Variants in CCDC50 observed in about 807,000 individuals in gnomAD.
The protein encoded by CCDC50 is coiled-coil domain containing 50, also known as coiled-coil domain-containing protein 50.
In CCDC50, 54 loss-of-function variants were observed where a neutral mutation model predicts 70.2. The ratio of observed to expected loss-of-function variants is 0.77; its 90% CI spans 0.62 to 0.96. CCDC50 has a LOEUF of 0.96. Among genes scored for constraint, CCDC50 ranks in the 50% least tolerant of loss-of-function variants. The probability of loss-of-function intolerance (pLI) is 0.00; values close to 1 mark genes in which losing one functional copy is unlikely to be tolerated. For synonymous variants in CCDC50, 216 were observed against 198.8 expected (o/e 1.09, Z -0.73); for missense variants, 558 against 578.7 (o/e 0.96, Z 0.37).
At chr3:191,378,034 CT>C (rs1364999173) in intron 6 of CCDC50, among the ~76,000 whole-genome samples, 1 of 152,056 alleles carries the variant, frequency 6.6e-6, no homozygotes, top group Non-Finnish European at 1.5e-5. Flanking sequence ...TTTCTATATC[CT>C]TACAAAAATT....
intron 10 of CCDC50, among the ~76,000 whole-genome samples, chr3:191,387,747 C>T (rs973532129): frequency 6.6e-6 from 1 of 151,298 alleles, no homozygotes; most frequent in Admixed American, 6.6e-5. Context: ...ATAACTTTAG[C>T]ATACTTTTCC....
chr3:191,339,034 C>T (rs1383694456), intron 1 of CCDC50, among the ~76,000 whole-genome samples: 3 of 152,104 alleles, frequency 2.0e-5, no homozygotes, highest in Non-Finnish European at 4.4e-5. Context: ...GGGGAAGGCT[C>T]TTACACAGTT....
At chr3:191,361,269 AG>A in intron 4 of CCDC50, 110 bp downstream of exon 4, 1 of 762,462 alleles carries the variant, frequency 1.3e-6, no homozygotes, top group Non-Finnish European at 2.4e-6. Flanking sequence ...AATGGGAAGC[AG>A]AATGCCTCTT....
chr3:191,346,183 A>G (rs921068172), intron 1 of CCDC50, among the ~76,000 whole-genome samples: 2 of 152,146 alleles, frequency 1.3e-5, no homozygotes, highest in African/African-American at 2.4e-5. Flanking sequence ...TGCTACTACA[A>G]CTGATTTTCT....
At chr3:191,345,079 T>C (rs1221736333) in intron 1 of CCDC50, among the ~76,000 whole-genome samples, 3 of 152,164 alleles carry the variant, frequency 2.0e-5, no homozygotes, top group African/African-American at 4.8e-5. Flanking sequence ...GATGTCCTGA[T>C]TGAGCTCATT....
rs999248036 is a variant in CCDC50, at chr3:191,329,948, G to A, written c.49+225G>A. Among the ~76,000 whole-genome samples the A allele has an allele frequency of 7.0e-5, 10 of 143,486 alleles. 1 individual carries two copies. The South Asian group carries it at 7.6e-4, about 11-fold the overall frequency. 94.1% of individuals were successfully genotyped at this position (143,486 alleles called of 152,430 possible). On this transcript the variant is annotated intron_variant, in intron 1 of 11. Transcript: ENST00000392455. ...TTTTTCTCAAGGGGGTGGTTGGGGGGGGGGGGGGCTAGCAGCAGCCCCAGC... is the reference window on the plus strand; with the variant it reads ...TTTTTCTCAAGGGGGTGGTTGGGGGAGGGGGGGGCTAGCAGCAGCCCCAGC...
chr3:191,364,697 T>A (rs1433301116), intron 4 of CCDC50, among the ~76,000 whole-genome samples: 1 of 152,116 alleles, frequency 6.6e-6, no homozygotes, highest in African/African-American at 2.4e-5. Flanking sequence ...GGTATAATTT[T>A]ATTATGTTTG....
In CCDC50 at chr3:191,375,475, A is replaced by G. The variant is rs550615746; in HGVS notation, c.862A>G (p.Lys288Glu). Residue 288 changes from lysine to glutamate, a missense_variant, in exon 6 of 12, where the codon AAG becomes GAG. Transcript: ENST00000392455. ...KSSQKAGLHC[K>E]EVVYGRDHGQ... The stretch of plus-strand genomic sequence containing the variant: ...CTCACAAAAAGCAGGGCTTCACTGC[A>G]AGGAAGTTGTATATGGGAGGGACCA... 1.2e-6 allele frequency: 2 copies of G among 1,613,786 alleles called. No homozygotes were observed. Among genetic ancestry groups the G allele is most frequent in the African/African-American group, 2.7e-5 (2 of 75,018 alleles).
intron 4 of CCDC50, among the ~76,000 whole-genome samples, chr3:191,366,604 G>GT (rs1394062238): frequency 6.6e-6 from 1 of 151,818 alleles, no homozygotes; most frequent in Non-Finnish European, 1.5e-5. Context: ...AATTACCTGA[G>GT]TTTTTTTAAA....
rs1713697276 is a variant in CCDC50 at position 191,391,686 on chromosome 3, T to G, written c.1430-55T>G. The G allele has an allele frequency of 3.9e-6, 6 of 1,524,810 alleles. No individual in the cohort carries two copies. In the South Asian group the frequency reaches 6.8e-5, roughly 17 times the overall value. 94.5% of individuals were successfully genotyped at this position (1,524,810 alleles called of 1,614,324 possible). A position where few individuals can be genotyped will look rare whatever the true frequency, so the allele number is the denominator to read the frequency against. On this transcript the variant is annotated intron_variant, in intron 11 of 11. Coordinates refer to ENST00000392455, the MANE Select transcript of CCDC50 (RefSeq NM_178335.3). ...TACTTGGGCAGGGAGAAAAAGCTGT[T>G]TGAGTTTCAAAGGTTTTTCCTTAAT...
intron 11 of CCDC50, among the ~76,000 whole-genome samples, chr3:191,390,706 C>G (rs293838): frequency 1.3e-5 from 2 of 152,052 alleles, no homozygotes; most frequent in African/African-American, 4.8e-5. Flanking sequence ...ATTTGTCACC[C>G]TCTTGGTTTT....
rs1012668238 is a variant in CCDC50 at position 191,395,654 on chromosome 3, A to G, written c.*3894A>G. The G allele has an allele frequency of 6.6e-6, 1 of 152,168 alleles. No homozygotes were observed. The highest frequency in any genetic ancestry group is 2.4e-5 in the African/African-American group (1 of 41,452). The allele number at this position is 152,168 out of a possible 1,614,324, so 9.4% of individuals were successfully genotyped here. A position where few individuals can be genotyped will look rare whatever the true frequency, so the allele number is the denominator to read the frequency against. The stretch of plus-strand genomic sequence containing the variant: ...CAAAGGCTTTTTCCCTTTTGAGAAG[A>G]CGGTATTTGTGTAAGGAGTGCTAAG... On this transcript the variant is annotated 3_prime_UTR_variant, in exon 12 of 12. Coordinates refer to ENST00000392455, the MANE Select transcript of CCDC50 (RefSeq NM_178335.3).
chr3:191,378,246 A>G (rs1457178527), intron 6 of CCDC50, among the ~76,000 whole-genome samples: 3 of 152,130 alleles, frequency 2.0e-5, no homozygotes, highest in East Asian at 3.8e-4. Flanking sequence ...TTACTAAGTC[A>G]TCATTCTCTT....
chr3:191,377,107 G>A (rs1010779444), intron 6 of CCDC50, among the ~76,000 whole-genome samples: 1 of 152,114 alleles, frequency 6.6e-6, no homozygotes, highest in African/African-American at 2.4e-5. Flanking sequence ...ATGTTACCAG[G>A]CGGATATTAA....
chr3:191,372,673 T>A (rs1305943851), intron 5 of CCDC50, among the ~76,000 whole-genome samples: 1 of 152,162 alleles, frequency 6.6e-6, no homozygotes, highest in East Asian at 1.9e-4. Context: ...TGATTATGGA[T>A]TTTCTACAAA....
At chr3:191,385,841 T>C (rs549572631) in intron 10 of CCDC50, among the ~76,000 whole-genome samples, 5 of 152,266 alleles carry the variant, frequency 3.3e-5, no homozygotes, top group African/African-American at 1.2e-4. Context: ...CTTCTGCATA[T>C]GGTCAGCCAG....
At chr3:191,333,389 G>A (rs540919115) in intron 1 of CCDC50, among the ~76,000 whole-genome samples, 1 of 152,200 alleles carries the variant, frequency 6.6e-6, no homozygotes, top group East Asian at 1.9e-4. Context: ...ATTATGTCTG[G>A]TACCATCAGT....
intron 1 of CCDC50, among the ~76,000 whole-genome samples, chr3:191,353,779 C>A (rs401465): frequency 0.58 from 70,966 of 123,108 alleles, 24,862 homozygotes; most frequent in East Asian, 0.92. Context: ...CTCCTAGTAA[C>A]CTCCGAAGGG....
chr3:191,356,164 A>G (rs1318426527), intron 1 of CCDC50, among the ~76,000 whole-genome samples: 2 of 152,166 alleles, frequency 1.3e-5, no homozygotes, highest in Admixed American at 1.3e-4. Context: ...TAGAGTGAGA[A>G]CATATCACCT....
Sources: allele counts gnomAD v4.1 joint callset (sites outside exome capture counted in the v4.1 genomes callset), GRCh38; gene constraint gnomAD v4.1.1; transcripts MANE v1.5; gene names NCBI Gene and HGNC (gene_info 2026-07-23, HGNC 2026-07-21).